NEK10: variants seen among roughly 807,000 people sequenced by gnomAD.
NEK10 encodes the protein NIMA related kinase 10, also known as serine/threonine-protein kinase Nek10.
Under a neutral mutation model 159.8 loss-of-function variants are expected in NEK10, and 122 were observed. That is an observed-to-expected ratio of 0.76 (90% confidence interval 0.66 to 0.89). The LOEUF is 0.89. NEK10 is among the 40% of genes least tolerant of loss of function. NEK10 has a pLI of 0.00. For synonymous variants in NEK10, 466 were observed against 457.1 expected (o/e 1.02, Z -0.25); for missense variants, 1,342 against 1,323.1 (o/e 1.01, Z -0.22).
chr3:27,301,739 C>T lies in NEK10; in HGVS notation c.1125G>A (p.Leu375=). ...TATTTTCTTGTATTTCCCTAGGGCT[C>T]AAGTCTTCTGATAAATGAAGCTGCT... ...RIQQLHLSED[L]SPREIQENTF... The change falls in exon 13 of 36, where the codon TTG becomes TTA. Residue 375 remains leucine, a synonymous_variant. Transcript: ENST00000691995. 2 of 1,578,044 alleles carry T rather than the reference C, an allele frequency of 1.3e-6. No homozygotes were observed. The highest frequency in any genetic ancestry group is 2.3e-5 in the South Asian group (2 of 86,206).
intron 31 of NEK10, among the ~76,000 whole-genome samples, chr3:27,139,974 T>C (rs553965847): frequency 6.6e-6 from 1 of 152,300 alleles, no homozygotes; most frequent in East Asian, 1.9e-4. Context: ...GATACATGAT[T>C]TCAATGTATC....
intron 35 of NEK10, among the ~76,000 whole-genome samples, chr3:27,114,541 T>C (rs1307842611): frequency 3.3e-5 from 5 of 152,094 alleles, no homozygotes; most frequent in Admixed American, 3.3e-4. Context: ...CTCCTTGAAA[T>C]GGGAGAAGTA....
chr3:27,115,878 A>T, intron 35 of NEK10, 62 bp downstream of exon 35: 1 of 1,161,976 alleles, frequency 8.6e-7, no homozygotes. Flanking sequence ...TAAAGAAATT[A>T]GATCTAACAT....
At chr3:27,138,036 C>T (rs562272763) in intron 31 of NEK10, among the ~76,000 whole-genome samples, 23 of 152,294 alleles carry the variant, frequency 1.5e-4, no homozygotes, top group Non-Finnish European at 3.1e-4. Flanking sequence ...CAGAAGAGAG[C>T]CCTGGAGGGA....
At chr3:27,243,095 T>C (rs959419165) in intron 23 of NEK10, among the ~76,000 whole-genome samples, 1 of 152,224 alleles carries the variant, frequency 6.6e-6, no homozygotes, top group Non-Finnish European at 1.5e-5. Flanking sequence ...TTTCAAAATA[T>C]TGGCCTTCTA....
intron 5 of NEK10, among the ~76,000 whole-genome samples, chr3:27,327,517 A>G (rs1247999700): frequency 6.6e-6 from 1 of 152,216 alleles, no homozygotes; most frequent in Admixed American, 6.5e-5. Context: ...ATATAAAATG[A>G]AGGAAAAGCA....
chr3:27,318,379 GC>G (rs11346698), intron 6 of NEK10, among the ~76,000 whole-genome samples: 33,796 of 152,150 alleles, frequency 0.22, 4,248 homozygotes, highest in Middle Eastern at 0.37. Context: ...AGTATAATAT[GC>G]TACAATTGCT....
intron 23 of NEK10, among the ~76,000 whole-genome samples, chr3:27,241,626 A>T (rs11129271): frequency 0.26 from 39,382 of 152,138 alleles, 5,256 homozygotes; most frequent in Middle Eastern, 0.38. Context: ...TTATCTGCTT[A>T]CTTCCCTACC....
At chr3:27,354,224 G>A (rs912869705) in intron 1 of NEK10, among the ~76,000 whole-genome samples, 5 of 152,150 alleles carry the variant, frequency 3.3e-5, no homozygotes, top group African/African-American at 1.2e-4. Flanking sequence ...CTATGGAGAA[G>A]CTCACAGGCT....
intron 3 of NEK10, among the ~76,000 whole-genome samples, chr3:27,352,047 A>G (rs532660004): frequency 6.6e-6 from 1 of 152,110 alleles, no homozygotes; most frequent in Non-Finnish European, 1.5e-5. Context: ...CAGCCTCAAG[A>G]GTGGCACTGT....
chr3:27,302,624 C>T (rs996879436), intron 12 of NEK10, among the ~76,000 whole-genome samples: 1 of 152,136 alleles, frequency 6.6e-6, no homozygotes, highest in African/African-American at 2.4e-5. Context: ...CTGTCTTTCA[C>T]CTGCTTTGTT....
At chr3:27,266,756 T>C (rs115335373) in intron 22 of NEK10, among the ~76,000 whole-genome samples, 538 of 152,312 alleles carry the variant, frequency 3.5e-3, no homozygotes, top group African/African-American at 0.012. Flanking sequence ...GCTTTGTCAG[T>C]AGAGGGTGTG....
intron 1 of NEK10, among the ~76,000 whole-genome samples, chr3:27,368,770 G>A (rs1016954362): frequency 1.4e-4 from 21 of 152,106 alleles, no homozygotes; most frequent in African/African-American, 4.8e-4. Context: ...GATAGATGGT[G>A]CCTGAGGCGA....
intron 23 of NEK10, among the ~76,000 whole-genome samples, chr3:27,253,599 T>C (rs1182931079): frequency 1.3e-5 from 2 of 152,182 alleles, no homozygotes; most frequent in Non-Finnish European, 2.9e-5. Context: ...TCTGAGGCAC[T>C]TCCTACAAGA....
At position 27,260,848 on chromosome 3, in the gene NEK10, T is replaced by A. The variant is rs776606378; in HGVS notation, c.2015-4477A>T. Among the ~76,000 whole-genome samples the A allele has an allele frequency of 2.6e-4, 39 of 152,324 alleles. 1 individual carries two copies. Among genetic ancestry groups the A allele is most frequent in the Non-Finnish European group, 4.4e-4 (30 of 68,024 alleles). ...AGAATTCGGCTGTGAATCCATCTGG[T>A]CCTAGACTTTTTTTGGTTGGTAAAC... On this transcript the variant is annotated intron_variant, in intron 22 of 35. Coordinates refer to ENST00000691995, the MANE Select transcript of NEK10 (RefSeq NM_001394966.1).
chr3:27,214,118 A>G (rs1037135066), intron 23 of NEK10, among the ~76,000 whole-genome samples: 2 of 152,340 alleles, frequency 1.3e-5, no homozygotes, highest in Admixed American at 6.5e-5. Flanking sequence ...TTAACTAATC[A>G]TCAATCAGAA....
chr3:27,264,044 G>A (rs1463285294), intron 22 of NEK10, among the ~76,000 whole-genome samples: 1 of 152,140 alleles, frequency 6.6e-6, no homozygotes, highest in Non-Finnish European at 1.5e-5. Context: ...TTTGATAGAT[G>A]AGGAAATAGG....
At chr3:27,314,897 G>A (rs1218790572) in intron 6 of NEK10, among the ~76,000 whole-genome samples, 2 of 152,284 alleles carry the variant, frequency 1.3e-5, no homozygotes, top group South Asian at 2.1e-4. Flanking sequence ...CAGGTCATAC[G>A]TACGTACAGT....
chr3:27,109,672 T>G lies in NEK10; in HGVS notation c.*1600A>C, dbSNP rs559457920. ...TTCATACACTGAAAGATAAAAAGAA[T>G]TATAAGTGCAGGTTCAAATTAACTT... On this transcript the variant is annotated 3_prime_UTR_variant, in exon 36 of 36. Transcript: ENST00000691995. Among the ~76,000 whole-genome samples, 2 of 152,268 alleles carry G rather than the reference T, an allele frequency of 1.3e-5. No homozygotes were observed. The highest frequency in any genetic ancestry group is 3.9e-4 in the East Asian group (2 of 5,180).
Sources: allele counts gnomAD v4.1 joint callset (sites outside exome capture counted in the v4.1 genomes callset), GRCh38; gene constraint gnomAD v4.1.1; transcripts MANE v1.5; gene names NCBI Gene and HGNC (gene_info 2026-07-23, HGNC 2026-07-21).